HSCB: variants seen among roughly 807,000 people sequenced by gnomAD.
HSCB encodes iron-sulfur cluster co-chaperone protein HscB.
In HSCB, 23 loss-of-function variants were observed where a neutral mutation model predicts 31.3. The observed-to-expected ratio is 0.74, with a 90% CI of 0.53 to 1.04. The LOEUF is 1.04. Ranked by LOEUF, HSCB falls within the 50% of genes least tolerant of loss-of-function variation. The pLI, the probability that HSCB is intolerant of heterozygous loss-of-function variation, is 0.00. For missense variants in HSCB, 297 were observed against 288.1 expected, an observed-to-expected ratio of 1.03 and a Z score of -0.22; for synonymous variants, 110 against 104.5, an observed-to-expected ratio of 1.05 and a Z score of -0.32.
At chr22:28,744,851 G>A in intron 3 of HSCB, 147 bp downstream of exon 3, 2 of 667,740 alleles carry the variant, frequency 3.0e-6, no homozygotes, top group Admixed American at 4.7e-5. Flanking sequence ...CAGAGGCTGA[G>A]GTGGTCAGAT....
At chr22:28,742,032 T>G, upstream of HSCB, 3 of 1,522,906 alleles carry the variant, frequency 2.0e-6, no homozygotes, top group Non-Finnish European at 8.8e-7. Context: ...GCAACATTAG[T>G]CTGGTTAGAC....
At chr22:28,742,409 C>T in intron 1 of HSCB, 78 bp downstream of exon 1, 1 of 1,556,806 alleles carries the variant, frequency 6.4e-7, no homozygotes, top group Non-Finnish European at 8.7e-7. Flanking sequence ...GAGGACGGAT[C>T]TGGCTGGCGG....
intron 1 of HSCB, among the ~76,000 whole-genome samples, chr22:28,743,164 C>G (rs1237428605): frequency 6.6e-6 from 1 of 152,114 alleles, no homozygotes; most frequent in Non-Finnish European, 1.5e-5. Flanking sequence ...AGATTGGTCT[C>G]AACTCCAAAA....
chr22:28,742,780 T>A, intron 1 of HSCB: 1 of 166,068 alleles, frequency 6.0e-6, no homozygotes, highest in Non-Finnish European at 1.3e-5. Flanking sequence ...ACTGCAGAAG[T>A]GTGATCCGAG....
At position 28,750,279 on chromosome 22, in the gene HSCB, CT is replaced by C. The variant is rs1433690599; in HGVS notation, c.569-960del. On this transcript the variant is annotated intron_variant, in intron 4 of 5. Transcript: ENST00000216027. ...AAAAAAAAAAAAAAAAAAAAAAACA[CT>C]TATTCTAGCCCTATAGTAAACATTT... Among the ~76,000 whole-genome samples, 4 of 131,940 alleles carry C rather than the reference CT, an allele frequency of 3.0e-5. No individual in the cohort carries two copies. The South Asian group carries it at 7.4e-4, about 25-fold the overall frequency. The allele number at this position is 131,940 out of a possible 152,430, so 86.6% of individuals were successfully genotyped here.
chr22:28,744,831 C>A, intron 3 of HSCB, 127 bp downstream of exon 3: 1 of 745,184 alleles, frequency 1.3e-6, no homozygotes, highest in South Asian at 1.6e-5. Context: ...ACCTGTAATC[C>A]CAGAACTTTC....
chr22:28,743,561 C>T (rs978365469), intron 1 of HSCB, among the ~76,000 whole-genome samples: 3 of 152,180 alleles, frequency 2.0e-5, no homozygotes, highest in Non-Finnish European at 4.4e-5. Flanking sequence ...GCTACAGTAA[C>T]GCTGATCTTT....
At position 28,744,733 on chromosome 22, in the gene HSCB, A is replaced by G. The variant is rs1010212545; in HGVS notation, c.423+29A>G. ...AGGTGATTTCCCAACACTTCTGTGT[A>G]TGACGTCCTGATGCCCATTATGGCG... On this transcript the variant is annotated intron_variant, in intron 3 of 5. Transcript: ENST00000216027. 4 of 1,540,308 alleles carry G rather than the reference A, an allele frequency of 2.6e-6. No homozygotes were observed. In the African/African-American group the frequency reaches 4.1e-5, roughly 16 times the overall value.
At chr22:28,752,232 A>G (rs1466684063) in intron 5 of HSCB, among the ~76,000 whole-genome samples, 1 of 151,844 alleles carries the variant, frequency 6.6e-6, no homozygotes, top group South Asian at 2.1e-4. Context: ...TCAAGAGATC[A>G]AGACCATCCT....
intron 1 of HSCB, among the ~76,000 whole-genome samples, chr22:28,743,590 C>T (rs1019112284): frequency 6.6e-6 from 1 of 152,170 alleles, no homozygotes; most frequent in Non-Finnish European, 1.5e-5. Context: ...CAGGCATCCC[C>T]ATCTTGCTCC....
intron 3 of HSCB, 42 bp from the exon 4 acceptor site, chr22:28,745,822 A>G: frequency 6.4e-7 from 1 of 1,555,996 alleles, no homozygotes; most frequent in Non-Finnish European, 8.7e-7. Flanking sequence ...TACTCTGCCC[A>G]TAGCTTCTTC....
intron 5 of HSCB, among the ~76,000 whole-genome samples, chr22:28,754,350 G>A (rs572019484): frequency 2.0e-5 from 3 of 152,066 alleles, no homozygotes; most frequent in Non-Finnish European, 4.4e-5. Flanking sequence ...CATAAGTAGA[G>A]AGCTTCAGTT....
chr22:28,756,885 C>T (rs1038275036), intron 5 of HSCB, among the ~76,000 whole-genome samples, 193 bp from the exon 6 acceptor site: 1 of 152,156 alleles, frequency 6.6e-6, no homozygotes, highest in Non-Finnish European at 1.5e-5. Context: ...ACACAACTCT[C>T]GCCCCATTTG....
At position 28,743,989 on chromosome 22, in the gene HSCB, G is replaced by A; in HGVS notation, c.333+11G>A. ...AGCCAGAGGTCTCAGGTAGCTTATT[G>A]GCCAACCCCAATAATCCCCAAATAT... On this transcript the variant is annotated intron_variant, in intron 2 of 5. Transcript: ENST00000216027. 1 of 1,594,592 alleles carries A rather than the reference G, an allele frequency of 6.3e-7. No individual in the cohort carries two copies. The highest frequency in any genetic ancestry group is 8.6e-7 in the Non-Finnish European group (1 of 1,162,290).
At chr22:28,745,626 G>A (rs2054672920) in intron 3 of HSCB, 1 of 347,864 alleles carries the variant, frequency 2.9e-6, no homozygotes, top group Non-Finnish European at 5.2e-6. Flanking sequence ...CAACCTCTGA[G>A]TGGAGGAATG....
In HSCB at chr22:28,742,043, G is replaced by A; in HGVS notation, c.-53G>A. The A allele has an allele frequency of 6.5e-7, 1 of 1,547,746 alleles. No homozygotes were observed. The highest frequency in any genetic ancestry group is 8.7e-7 in the Non-Finnish European group (1 of 1,147,046). ...ATCAGCAACATTAGTCTGGTTAGAC[G>A]CTCTCTTTGCTTTTCCCCACGAGTG... On this transcript the variant is annotated 5_prime_UTR_variant, in exon 1 of 6. Transcript: ENST00000216027.
At chr22:28,753,316 C>T (rs1437606898) in intron 5 of HSCB, among the ~76,000 whole-genome samples, 5 of 134,726 alleles carry the variant, frequency 3.7e-5, no homozygotes, top group South Asian at 4.8e-4. Context: ...ATTTGAGGTC[C>T]GGAGTTCGAG....
chr22:28,742,408 T>C (rs2054585436), intron 1 of HSCB, 77 bp downstream of exon 1: 2 of 1,558,298 alleles, frequency 1.3e-6, no homozygotes, highest in Non-Finnish European at 8.7e-7. Context: ...GGAGGACGGA[T>C]CTGGCTGGCG....
intron 1 of HSCB, 104 bp from the exon 2 acceptor site, chr22:28,743,772 TAACTGC>T: frequency 1.1e-6 from 1 of 875,536 alleles, no homozygotes; most frequent in Non-Finnish European, 1.9e-6. Flanking sequence ...TTTTTGAAAT[TAACTGC>T]TTATATGTTA....
Sources: allele counts gnomAD v4.1 joint callset (sites outside exome capture counted in the v4.1 genomes callset), GRCh38; gene constraint gnomAD v4.1.1; transcripts MANE v1.5; gene names NCBI Gene and HGNC (gene_info 2026-07-23, HGNC 2026-07-21).